Variants in ZNF888 observed in about 807,000 individuals in gnomAD.
The protein encoded by ZNF888 is zinc finger protein 888.
ZNF888 carries 5 observed loss-of-function variants against 7.2 expected under a neutral mutation model. The observed-to-expected ratio is 0.70, with a 90% CI of 0.36 to 1.46. The LOEUF (loss-of-function observed/expected upper bound fraction) is 1.46, where lower values mean the gene tolerates loss of function less well. Ranked by LOEUF, ZNF888 falls within the 40% of genes most tolerant of loss-of-function variation. The pLI, the probability that ZNF888 is intolerant of heterozygous loss-of-function variation, is 0.03. For synonymous variants in ZNF888, 240 were observed against 284.3 expected (o/e 0.84, Z 1.57); for missense variants, 716 against 858.0 (o/e 0.83, Z 2.07).
At chr19:52,923,186 G>T (rs1187404072) in intron 1 of ZNF888, among the ~76,000 whole-genome samples, 183 bp downstream of exon 1, 1 of 152,168 alleles carries the variant, frequency 6.6e-6, no homozygotes, top group African/African-American at 2.4e-5. Context: ...GGACAGGGCA[G>T]CCTCAGGGCG....
At position 52,920,117 on chromosome 19, in the gene ZNF888, C is replaced by T. The variant is rs1277128796; in HGVS notation, c.-177-1180G>A. Among the ~76,000 whole-genome samples, 5 of 55,688 alleles carry T rather than the reference C, an allele frequency of 9.0e-5. 1 individual carries two copies. Among genetic ancestry groups the T allele is most frequent in the African/African-American group, 3.3e-4 (5 of 15,334 alleles). The allele number at this position is 55,688 out of a possible 152,430, so 36.5% of individuals were successfully genotyped here. On this transcript the variant is annotated intron_variant, in intron 1 of 4. Transcript: ENST00000638862. The stretch of plus-strand genomic sequence containing the variant: ...GCCGCCCTATCCAGGAGGTGAGGGG[C>T]GCCTCTGCCCGGCCGCCCCTACTGG...
Position 52,906,482 on chromosome 19 carries a change from CTT to C in ZNF888, c.1838_1839del (p.Lys613SerfsTer9), listed in dbSNP as rs1363771658. ...EKPYKCEECDKVFNIKSHLEI... is the reference protein window; with the variant it reads ...EKPYKCEECDXVFNIKSHLEI... ...TCAAGGTGTGATTTGATATTGAAAA[CTT>C]TGTCACATTCTTCACATTTGTAAGG... On this transcript the variant is annotated frameshift_variant, in exon 5 of 5. Coordinates refer to ENST00000638862, the MANE Select transcript of ZNF888 (RefSeq NM_001393938.1). LOFTEE classifies it low-confidence loss of function (END_TRUNC). The C allele has an allele frequency of 6.2e-7, 1 of 1,613,384 alleles. No homozygotes were observed. Among genetic ancestry groups the C allele is most frequent in the South Asian group, 1.1e-5 (1 of 91,036 alleles).
chr19:52,915,569 G>A (rs1036136610), intron 3 of ZNF888, among the ~76,000 whole-genome samples: 2 of 151,594 alleles, frequency 1.3e-5, no homozygotes, highest in African/African-American at 2.4e-5. Context: ...CTACCTCACA[G>A]GTTCATGCCA....
At chr19:52,912,258 C>T (rs1410084345) in intron 4 of ZNF888, among the ~76,000 whole-genome samples, 3 of 150,180 alleles carry the variant, frequency 2.0e-5, no homozygotes, top group Admixed American at 6.6e-5. Context: ...GGACTACAGG[C>T]ACCTGCCACC....
At chr19:52,915,364 G>T (rs749118991) in intron 3 of ZNF888, 42 bp from the exon 4 acceptor site, 1 of 1,612,444 alleles carries the variant, frequency 6.2e-7, no homozygotes, top group Admixed American at 1.7e-5. Flanking sequence ...TATGAGAGGA[G>T]ATCTTATCTT....
chr19:52,919,671 G>A lies in ZNF888; in HGVS notation c.-177-734C>T, dbSNP rs1421937773. Among the ~76,000 whole-genome samples the A allele has an allele frequency of 3.1e-5, 2 of 64,482 alleles. 1 individual carries two copies. Among genetic ancestry groups the A allele is most frequent in the African/African-American group, 1.0e-4 (2 of 19,774 alleles). 42.3% of individuals were successfully genotyped at this position (64,482 alleles called of 152,430 possible). A position where few individuals can be genotyped will look rare whatever the true frequency, so the allele number is the denominator to read the frequency against. On this transcript the variant is annotated intron_variant, in intron 1 of 4. Transcript: ENST00000638862. ...CCGGCCGCCATCCCATCTAGGAAGC[G>A]AGGAGCGCCTCTTCCCCGCCGCCAT...
rs537355287 is a variant in ZNF888, at chr19:52,915,631, T to C, written c.16-309A>G. Among the ~76,000 whole-genome samples the C allele has an allele frequency of 2.0e-5, 3 of 151,866 alleles. No individual in the cohort carries two copies. The South Asian group carries it at 6.2e-4, about 31-fold the overall frequency. ...ATAGTACTACAGGCATCTGCCACCATGCCTGGCTAATTTTTTTGTATTTTT... is the reference window on the plus strand; with the variant it reads ...ATAGTACTACAGGCATCTGCCACCACGCCTGGCTAATTTTTTTGTATTTTT... On this transcript the variant is annotated intron_variant, in intron 3 of 4. Transcript: ENST00000638862.
chr19:52,917,834 C>A, intron 3 of ZNF888, 25 bp downstream of exon 3: 1 of 1,613,540 alleles, frequency 6.2e-7, no homozygotes, highest in South Asian at 1.1e-5. Flanking sequence ...GGAGACAGAA[C>A]AATCCACAGA....
chr19:52,913,815 T>A, intron 4 of ZNF888: 1 of 864,458 alleles, frequency 1.2e-6, no homozygotes, highest in Non-Finnish European at 1.4e-6. Flanking sequence ...TACTAAGAAC[T>A]AAAAGACAAA....
rs1568741489 is a variant in ZNF888 at position 52,907,721 on chromosome 19, G to A, written c.601C>T (p.Leu201Phe). ...CTGTGTACATCCTGTTTCTGTGTGA[G>A]TAATGAAGAATGGAAGAAATTATTC... is the stretch of plus-strand genomic sequence containing the variant. Reference protein sequence around the residue: ...YGNNFFHSSLLTQKQDVHRKE... With the variant: ...YGNNFFHSSLFTQKQDVHRKE... Residue 201 changes from leucine to phenylalanine, a missense_variant, in exon 5 of 5, where the codon CTC becomes TTC. Transcript: ENST00000638862. The A allele has an allele frequency of 6.2e-7, 1 of 1,613,162 alleles. No homozygotes were observed. The highest frequency in any genetic ancestry group is 8.5e-7 in the Non-Finnish European group (1 of 1,179,594).
chr19:52,910,403 G>A (rs112510631), intron 4 of ZNF888, among the ~76,000 whole-genome samples: 12 of 152,268 alleles, frequency 7.9e-5, no homozygotes, highest in African/African-American at 1.4e-4. Flanking sequence ...CCTGGGAGGC[G>A]GAGGATGCAG....
rs2064613387 is a variant in ZNF888, at chr19:52,906,752, A to T, written c.1570T>A (p.Cys524Ser). 1 of 1,613,318 alleles carries T rather than the reference A, an allele frequency of 6.2e-7. No homozygotes were observed. Among genetic ancestry groups the T allele is most frequent in the Admixed American group, 1.7e-5 (1 of 59,996 alleles). Residue 524 changes from cysteine to serine, a missense_variant, in exon 5 of 5, where the codon TGT becomes AGT. Cys to Ser is a moderately radical substitution (Grantham distance 112). Transcript: ENST00000638862. Reference protein sequence around the residue: ...VIHTGEKPYKCNECGKTFVQN... With the variant: ...VIHTGEKPYKSNECGKTFVQN... ...ACGAAGGTCTTGCCACACTCATTAC[A>T]CTTGTAAGGTTTCTCTCCAGTGTGA... is the stretch of plus-strand genomic sequence containing the variant.
rs1242407737 is a variant in ZNF888 at position 52,905,006 on chromosome 19, A to C, written c.*1159T>G. ...TTAAAGTAAGAAATACTTAGGAATA[A>C]ACGTACAAAGCTGAGAAGTTTGTAC... On this transcript the variant is annotated 3_prime_UTR_variant, in exon 5 of 5. Transcript: ENST00000638862. 6.5e-6 allele frequency: 1 copy of C among 153,118 alleles called. No individual in the cohort carries two copies. The highest frequency in any genetic ancestry group is 1.5e-5 in the Non-Finnish European group (1 of 68,046). 9.5% of individuals were successfully genotyped at this position (153,118 alleles called of 1,614,324 possible).
At position 52,909,394 on chromosome 19, in the gene ZNF888, C is replaced by T. The variant is rs369716107; in HGVS notation, c.143-1215G>A. Among the ~76,000 whole-genome samples the T allele has an allele frequency of 8.6e-5, 13 of 151,672 alleles. No homozygotes were observed. In the East Asian group the frequency reaches 2.6e-3, roughly 30 times the overall value. ...TCTTGAGTACCTGGGATTACAGGCA[C>T]ACACCACCATGCCCAGCTAATTTTT... On this transcript the variant is annotated intron_variant, in intron 4 of 4. Transcript: ENST00000638862.
chr19:52,911,619 T>C (rs566175068), intron 4 of ZNF888, among the ~76,000 whole-genome samples: 1 of 152,070 alleles, frequency 6.6e-6, no homozygotes, highest in African/African-American at 2.4e-5. Context: ...ATTACAGGCG[T>C]GAGCCACCGT....
At position 52,905,015 on chromosome 19, in the gene ZNF888, A is replaced by T. The variant is rs1158848346; in HGVS notation, c.*1150T>A. ...GAAATACTTAGGAATAAACGTACAA[A>T]GCTGAGAAGTTTGTACCTTGAAATC... is the stretch of plus-strand genomic sequence containing the variant. On this transcript the variant is annotated 3_prime_UTR_variant, in exon 5 of 5. Transcript: ENST00000638862. The T allele has an allele frequency of 6.5e-6, 1 of 153,082 alleles. No individual in the cohort carries two copies. The highest frequency in any genetic ancestry group is 1.5e-5 in the Non-Finnish European group (1 of 68,050). The allele number at this position is 153,082 out of a possible 1,614,324, so 9.5% of individuals were successfully genotyped here.
At position 52,923,391 on chromosome 19, in the gene ZNF888, C is replaced by T. The variant is rs1255859071; in HGVS notation, c.-200G>A. The T allele has an allele frequency of 6.1e-6, 6 of 985,952 alleles. No homozygotes were observed. Among genetic ancestry groups the T allele is most frequent in the Middle Eastern group, 1.0e-3 (2 of 1,916 alleles). The allele number at this position is 985,952 out of a possible 1,614,324, so 61.1% of individuals were successfully genotyped here. ...CACCGCCGCAGTGTGACTTCCAGTC[C>T]ACGCGATCCGCTTCCTGGTCCGGGC... On this transcript the variant is annotated 5_prime_UTR_variant, in exon 1 of 5. Transcript: ENST00000638862.
chr19:52,920,526 AGAAAAGG>A lies in ZNF888; in HGVS notation c.-177-1596_-177-1590del, dbSNP rs1600692765. Among the ~76,000 whole-genome samples, 186 of 37,202 alleles carry A rather than the reference AGAAAAGG, an allele frequency of 5.0e-3. 1 individual carries two copies. The highest frequency in any genetic ancestry group is 5.8e-3 in the African/African-American group (53 of 9,138). The allele number at this position is 37,202 out of a possible 152,430, so 24.4% of individuals were successfully genotyped here. Reference sequence around the variant, plus strand: ...AAAAAAAAAAAAAAAAGAAAAAAAAAGAAAAGGAAAAAAAAAAAAAAAAGGAATTATT... The same window carrying A: ...AAAAAAAAAAAAAAAAGAAAAAAAAAAAAAAAAAAAAAAAAAGGAATTATT... On this transcript the variant is annotated intron_variant, in intron 1 of 4. Coordinates refer to ENST00000638862, the MANE Select transcript of ZNF888 (RefSeq NM_001393938.1).
Position 52,907,077 on chromosome 19 carries a change from A to G in ZNF888, c.1245T>C (p.Cys415=). Residue 415 remains cysteine (C), a synonymous_variant, in exon 5 of 5, where the codon TGT becomes TGC. Coordinates refer to ENST00000638862, the MANE Select transcript of ZNF888 (RefSeq NM_001393938.1). ...CTGAATTTTCACCAAACGTTTTGCC[A>G]CACTCATTACACTTGTAAGGTTTCT... is the stretch of plus-strand genomic sequence containing the variant. ...TREKPYKCNE[C]GKTFGENSAL... 1 of 1,611,656 alleles carries G rather than the reference A, an allele frequency of 6.2e-7. No homozygotes were observed. Among genetic ancestry groups the G allele is most frequent in the Admixed American group, 1.7e-5 (1 of 59,856 alleles).
Sources: allele counts gnomAD v4.1 joint callset (sites outside exome capture counted in the v4.1 genomes callset), GRCh38; gene constraint gnomAD v4.1.1; transcripts MANE v1.5; gene names NCBI Gene and HGNC (gene_info 2026-07-23, HGNC 2026-07-21).